Variants in GABBR2 observed in about 807,000 individuals in gnomAD.
GABBR2 encodes gamma-aminobutyric acid type B receptor subunit 2.
In GABBR2, 23 loss-of-function variants were observed where a neutral mutation model predicts 105.6. That is an observed-to-expected ratio of 0.22 (90% CI 0.16 to 0.31). The LOEUF (loss-of-function observed/expected upper bound fraction) is 0.31. Ranked by LOEUF, GABBR2 falls within the 10% of genes least tolerant of loss-of-function variation. The probability of loss-of-function intolerance (pLI) is 1.00; values close to 1 mark genes in which losing one functional copy is unlikely to be tolerated. For missense variants in GABBR2, 734 were observed against 1,245.5 expected (o/e 0.59, Z 6.18); for synonymous variants, 478 against 499.7 (o/e 0.96, Z 0.58).
intron 2 of GABBR2, among the ~76,000 whole-genome samples, chr9:98,570,908 T>C (rs1268807305): frequency 1.3e-5 from 2 of 152,164 alleles, no homozygotes; most frequent in African/African-American, 4.8e-5. Flanking sequence ...TGCCCTTGGT[T>C]GTTAGGGGAC....
chr9:98,395,108 G>T (rs1050983203), intron 8 of GABBR2, among the ~76,000 whole-genome samples: 1 of 152,328 alleles, frequency 6.6e-6, no homozygotes, highest in East Asian at 1.9e-4. Flanking sequence ...AGATGATGAG[G>T]ACTGGCCCAG....
intron 1 of GABBR2, among the ~76,000 whole-genome samples, chr9:98,696,581 G>T (rs537191385): frequency 7.9e-4 from 120 of 152,242 alleles, no homozygotes; most frequent in Non-Finnish European, 1.4e-3. Context: ...ACGTGCCTTT[G>T]AAAGCACAGC....
intron 1 of GABBR2, among the ~76,000 whole-genome samples, chr9:98,632,496 T>C (rs1025358364): frequency 6.6e-6 from 1 of 152,198 alleles, no homozygotes; most frequent in Non-Finnish European, 1.5e-5. Flanking sequence ...GTGATGGCTC[T>C]GATCAATATT....
intron 1 of GABBR2, among the ~76,000 whole-genome samples, chr9:98,696,411 C>T (rs867139187): frequency 6.6e-6 from 1 of 152,116 alleles, no homozygotes; most frequent in Non-Finnish European, 1.5e-5. Context: ...GTGTTCCCAC[C>T]CCAAGAACAA....
chr9:98,413,778 G>A (rs7022828), intron 7 of GABBR2, among the ~76,000 whole-genome samples: 46,265 of 152,104 alleles, frequency 0.3, 7,438 homozygotes, highest in African/African-American at 0.38. Context: ...GGCTGTGTGC[G>A]GTGGAGGGAA....
rs1446494553 is a variant in GABBR2, at chr9:98,708,454, C to A, written c.284G>T (p.Arg95Leu). ...GAGCCGCAGGTCGAGGAAGTAGGGG[C>A]GCAGGAGTGACTCGTTGCGGATCTG... ...IEQIRNESLL[R>L]PYFLDLRLYD... Residue 95 changes from arginine to leucine, a missense_variant, in exon 1 of 19, where the codon CGC (arginine) becomes CTC (leucine). This residue lies in a region of GABBR2 where 370 missense variants were observed against 648.9 expected (regional missense o/e 0.57). Coordinates refer to ENST00000259455, the MANE Select transcript of GABBR2 (RefSeq NM_005458.8). 7 of 1,567,514 alleles carry A rather than the reference C, an allele frequency of 4.5e-6. No individual in the cohort carries two copies. The South Asian group carries it at 5.9e-5, about 13-fold the overall frequency.
chr9:98,420,463 T>G (rs1158476873), intron 7 of GABBR2, among the ~76,000 whole-genome samples: 1 of 129,414 alleles, frequency 7.7e-6, no homozygotes, highest in Non-Finnish European at 1.7e-5. Context: ...ATGCAAAGAG[T>G]GTGTGGCCGG....
chr9:98,511,301 C>T (rs1258250607), intron 3 of GABBR2, among the ~76,000 whole-genome samples: 2 of 150,222 alleles, frequency 1.3e-5, no homozygotes, highest in African/African-American at 4.9e-5. Context: ...CAAGAGAAAG[C>T]AGGAAAGATC....
intron 7 of GABBR2, among the ~76,000 whole-genome samples, chr9:98,423,053 A>C (rs1396888069): frequency 6.6e-6 from 1 of 152,104 alleles, no homozygotes; most frequent in Non-Finnish European, 1.5e-5. Flanking sequence ...GCTATTGTGA[A>C]TAGTGCCACA....
At chr9:98,584,865 T>A (rs1829046896) in intron 1 of GABBR2, among the ~76,000 whole-genome samples, 2 of 152,192 alleles carry the variant, frequency 1.3e-5, no homozygotes, top group Admixed American at 6.5e-5. Context: ...TCTGCTCACG[T>A]CTGTCCGTCC....
intron 13 of GABBR2, among the ~76,000 whole-genome samples, chr9:98,327,589 C>T (rs569142422): frequency 6.6e-6 from 1 of 151,850 alleles, no homozygotes; most frequent in Non-Finnish European, 1.5e-5. Context: ...AAATATAAGG[C>T]CGGGCGCAGT....
At chr9:98,529,834 C>G (rs930056071) in intron 3 of GABBR2, among the ~76,000 whole-genome samples, 2 of 152,190 alleles carry the variant, frequency 1.3e-5, no homozygotes, top group Non-Finnish European at 2.9e-5. Flanking sequence ...CTCCCAACTG[C>G]TGACAGGTAA....
At chr9:98,344,326 A>T (rs1831268108) in intron 13 of GABBR2, among the ~76,000 whole-genome samples, 1 of 152,092 alleles carries the variant, frequency 6.6e-6, no homozygotes, top group African/African-American at 2.4e-5. Flanking sequence ...AAAGAGAGCT[A>T]TTTTCCTTTT....
At chr9:98,303,569 GGC>G in intron 15 of GABBR2, 146 bp from the exon 16 acceptor site, 1 of 701,246 alleles carries the variant, frequency 1.4e-6, no homozygotes, top group Non-Finnish European at 2.5e-6. Flanking sequence ...AGGAGACCTA[GGC>G]TCAGGCCAGA....
At chr9:98,685,957 G>A (rs552000599) in intron 1 of GABBR2, among the ~76,000 whole-genome samples, 2 of 152,178 alleles carry the variant, frequency 1.3e-5, no homozygotes, top group African/African-American at 2.4e-5. Flanking sequence ...ACAAAGTATC[G>A]GGATTACAGG....
chr9:98,707,539 C>T (rs415902), intron 1 of GABBR2: 107,037 of 152,310 alleles, frequency 0.7, 38,974 homozygotes, highest in Middle Eastern at 0.83. Flanking sequence ...AGAACCCAAA[C>T]CGAGGGCGTG....
At chr9:98,569,404 A>G (rs1275313499) in intron 2 of GABBR2, among the ~76,000 whole-genome samples, 1 of 152,102 alleles carries the variant, frequency 6.6e-6, no homozygotes, top group East Asian at 1.9e-4. Context: ...GTGTCAAAGT[A>G]AAAAACCCTG....
chr9:98,358,093 G>A (rs772183845), intron 13 of GABBR2, among the ~76,000 whole-genome samples: 1 of 152,086 alleles, frequency 6.6e-6, no homozygotes, highest in Non-Finnish European at 1.5e-5. Context: ...ATACCATAGT[G>A]CACGTATCCA....
chr9:98,583,171 A>G (rs1302143504), intron 1 of GABBR2, among the ~76,000 whole-genome samples: 1 of 152,260 alleles, frequency 6.6e-6, no homozygotes, highest in African/African-American at 2.4e-5. Context: ...TAAAGGGAGC[A>G]ACTTTGCAGT....
Sources: gnomAD v4.1 joint callset for allele counts (sites outside exome capture counted in the v4.1 genomes callset) on GRCh38, gnomAD v4.1.1 for gene constraint, gnomAD v4.1.1 regional missense constraint, MANE v1.5 for transcripts, NCBI Gene and HGNC (gene_info 2026-07-23, HGNC 2026-07-21) for gene names.